The following PTPRG variants were observed in gnomAD, a reference collection of about 807,000 sequenced individuals.
The protein encoded by PTPRG is protein tyrosine phosphatase receptor type G.
PTPRG carries 102 observed loss-of-function variants against 165.3 expected under a neutral mutation model. That is an observed-to-expected ratio of 0.62 (90% CI 0.53 to 0.73). The LOEUF (loss-of-function observed/expected upper bound fraction) is 0.73. Among genes scored for constraint, PTPRG ranks in the 30% least tolerant of loss-of-function variants. The pLI, the probability that PTPRG is intolerant of heterozygous loss-of-function variation, is 0.00. For synonymous variants in PTPRG, 675 were observed against 669.5 expected (o/e 1.01, Z -0.13); for missense variants, 1,866 against 1,861.4 (o/e 1.00, Z -0.05).
intron 1 of PTPRG, among the ~76,000 whole-genome samples, chr3:61,706,068 T>G (rs1177853200): frequency 1.3e-5 from 2 of 152,172 alleles, no homozygotes; most frequent in African/African-American, 2.4e-5. Context: ...GAAAAATGAT[T>G]GATTATGAGG....
At chr3:61,719,633 C>T (rs535678937) in intron 1 of PTPRG, among the ~76,000 whole-genome samples, 19 of 152,260 alleles carry the variant, frequency 1.2e-4, no homozygotes, top group South Asian at 4.1e-4. Context: ...CTCCCTTTTC[C>T]GTTTTCTCAA....
At chr3:62,281,538 C>CTTGTTTTTTTTTTT in intron 26 of PTPRG, 25 bp from the exon 27 acceptor site, 2 of 620,524 alleles carry the variant, frequency 3.2e-6, no homozygotes, top group Non-Finnish European at 2.1e-6. Context: ...ACTGCAGAGG[C>CTTGTTTTTTTTTTT]TTTTTTTTTT....
intron 2 of PTPRG, among the ~76,000 whole-genome samples, chr3:61,962,220 G>T (rs886933173): frequency 6.6e-6 from 1 of 152,206 alleles, no homozygotes; most frequent in African/African-American, 2.4e-5. Flanking sequence ...GTTGACAGCT[G>T]TGTTGACTCT....
At chr3:61,564,159 A>C (rs975432857) in intron 1 of PTPRG, among the ~76,000 whole-genome samples, 1 of 152,064 alleles carries the variant, frequency 6.6e-6, no homozygotes, top group Non-Finnish European at 1.5e-5. Flanking sequence ...CTAAAAGATC[A>C]CTGCTCAGTA....
intron 1 of PTPRG, among the ~76,000 whole-genome samples, chr3:61,610,376 T>C (rs1701131908): frequency 1.3e-5 from 2 of 152,128 alleles, no homozygotes; most frequent in African/African-American, 4.8e-5. Context: ...ACCCAAATCA[T>C]TTGGTAGATG....
intron 5 of PTPRG, among the ~76,000 whole-genome samples, chr3:62,084,801 T>G (rs1701692578): frequency 1.3e-5 from 2 of 152,204 alleles, no homozygotes; most frequent in Admixed American, 1.3e-4. Context: ...TTAAAGCTGT[T>G]ATTTTACTTG....
At chr3:62,078,403 A>G in intron 5 of PTPRG, 145 bp downstream of exon 5, 1 of 591,582 alleles carries the variant, frequency 1.7e-6, no homozygotes, top group Non-Finnish European at 2.9e-6. Flanking sequence ...CTAATGTGTG[A>G]TTTAAAATGT....
intron 2 of PTPRG, among the ~76,000 whole-genome samples, chr3:61,877,084 C>G (rs992512886): frequency 1.5e-4 from 23 of 151,954 alleles, no homozygotes; most frequent in African/African-American, 5.3e-4. Context: ...CTTTGCATTC[C>G]TTTTTAATTC....
intron 6 of PTPRG, among the ~76,000 whole-genome samples, chr3:62,151,297 G>C (rs1450434443): frequency 6.6e-6 from 1 of 152,130 alleles, no homozygotes; most frequent in Admixed American, 6.6e-5. Context: ...ATCATCTTCA[G>C]ATATAAACCC....
intron 2 of PTPRG, among the ~76,000 whole-genome samples, chr3:61,986,193 C>T (rs2040758390): frequency 6.6e-6 from 1 of 150,752 alleles, no homozygotes; most frequent in Admixed American, 6.6e-5. Flanking sequence ...TCTTTCAGTT[C>T]TCTCTTCTTT....
intron 2 of PTPRG, among the ~76,000 whole-genome samples, chr3:61,938,528 G>A (rs1360587241): frequency 2.0e-5 from 3 of 152,124 alleles, no homozygotes; most frequent in Admixed American, 6.5e-5. Flanking sequence ...TTGATTTTGC[G>A]TTCAGCCCTC....
intron 2 of PTPRG, among the ~76,000 whole-genome samples, chr3:61,752,785 C>CAAAAAAAAAAAAAAAAAAAAAAAAAAAAA (rs749817659): frequency 2.9e-5 from 2 of 69,992 alleles, no homozygotes; most frequent in African/African-American, 5.6e-5. Context: ...AAGACTGTCT[C>CAAAAAAAAAAAAAAAAAAAAAAAAAAAAA]AAAAAAAAAA....
At chr3:62,209,720 A>G (rs968397606) in intron 12 of PTPRG, among the ~76,000 whole-genome samples, 4 of 152,126 alleles carry the variant, frequency 2.6e-5, no homozygotes, top group African/African-American at 9.7e-5. Flanking sequence ...GGGGTTATTC[A>G]GCTGCCAGTA....
Position 61,972,695 on chromosome 3 carries a change from C to T in PTPRG, c.191-16930C>T, listed in dbSNP as rs187238283. On this transcript the variant is annotated intron_variant, in intron 2 of 29. Coordinates refer to ENST00000474889, the MANE Select transcript of PTPRG (RefSeq NM_002841.4). The stretch of plus-strand genomic sequence containing the variant: ...TGAGACATGGTCTCACTCTGTTGCC[C>T]AGGGTGGGGTACAGTCGCAGAATCA... Among the ~76,000 whole-genome samples, 440 of 150,778 alleles carry T rather than the reference C, an allele frequency of 2.9e-3. 3 individuals carry two copies. The highest frequency in any genetic ancestry group is 1.0e-2 in the African/African-American group (408 of 40,980).
intron 1 of PTPRG, among the ~76,000 whole-genome samples, chr3:61,646,454 C>T (rs1307562061): frequency 6.6e-6 from 1 of 152,216 alleles, no homozygotes; most frequent in Non-Finnish European, 1.5e-5. Flanking sequence ...TTGTCCAAAA[C>T]TCTTCTGGAA....
chr3:61,613,747 A>G (rs1224808132), intron 1 of PTPRG, among the ~76,000 whole-genome samples: 1 of 152,200 alleles, frequency 6.6e-6, no homozygotes, highest in African/African-American at 2.4e-5. Flanking sequence ...AAGACCTCCT[A>G]ATAGAAGAGG....
intron 2 of PTPRG, among the ~76,000 whole-genome samples, chr3:61,836,912 T>C (rs951618607): frequency 1.4e-5 from 2 of 145,214 alleles, no homozygotes; most frequent in African/African-American, 5.1e-5. Flanking sequence ...GCCTGGCTGA[T>C]TTTTTTTTTT....
At chr3:61,677,803 C>T (rs1703285911) in intron 1 of PTPRG, among the ~76,000 whole-genome samples, 1 of 152,054 alleles carries the variant, frequency 6.6e-6, no homozygotes, top group Admixed American at 6.6e-5. Context: ...AATCGGCAGC[C>T]CCTCTTGATG....
chr3:62,223,196 G>A (rs79584774), intron 13 of PTPRG, among the ~76,000 whole-genome samples: 1 of 152,240 alleles, frequency 6.6e-6, no homozygotes, highest in East Asian at 1.9e-4. Flanking sequence ...AGGATGATGG[G>A]AAGGTATTGA....
Sources: allele counts gnomAD v4.1 joint callset (sites outside exome capture counted in the v4.1 genomes callset), GRCh38; gene constraint gnomAD v4.1.1; transcripts MANE v1.5; gene names NCBI Gene and HGNC (gene_info 2026-07-23, HGNC 2026-07-21).